GPR158: variants seen among roughly 807,000 people sequenced by gnomAD.
GPR158 encodes G protein-coupled receptor 158, also known as metabotropic glycine receptor.
In GPR158, 30 loss-of-function variants were observed where a neutral mutation model predicts 78.2. The ratio of observed to expected loss-of-function variants is 0.38; its 90% CI spans 0.29 to 0.52. The LOEUF (loss-of-function observed/expected upper bound fraction) is 0.52. Among genes scored for constraint, GPR158 ranks in the 20% least tolerant of loss-of-function variants. GPR158 has a pLI of 0.83. For synonymous variants in GPR158, 581 were observed against 591.1 expected (o/e 0.98, Z 0.25); for missense variants, 1,463 against 1,523.5 (o/e 0.96, Z 0.66).
intron 2 of GPR158, among the ~76,000 whole-genome samples, chr10:25,323,987 A>C (rs1854992639): frequency 6.6e-6 from 1 of 152,192 alleles, no homozygotes; most frequent in Admixed American, 6.5e-5. Flanking sequence ...CTCAGACTTC[A>C]TAGAATTGAA....
Position 25,597,983 on chromosome 10 carries a change from C to A in GPR158, c.2357C>A (p.Ala786Asp). 6.2e-7 allele frequency: 1 copy of A among 1,614,036 alleles called. No homozygotes were observed. The highest frequency in any genetic ancestry group is 8.5e-7 in the Non-Finnish European group (1 of 1,179,962). The stretch of plus-strand genomic sequence containing the variant: ...GACCATGGCACAGCCAAAGGCACTG[C>A]CCTCATCAGGAAGAACCCCCCAGAG... ...GADHGTAKGT[A>D]LIRKNPPESS... The change falls in exon 11 of 11, where the codon GCC becomes GAC. Residue 786 changes from alanine (A) to aspartate (D), a missense_variant. Coordinates refer to ENST00000376351, the MANE Select transcript of GPR158 (RefSeq NM_020752.3).
chr10:25,513,909 A>C (rs1183780161), intron 5 of GPR158, among the ~76,000 whole-genome samples: 1 of 152,020 alleles, frequency 6.6e-6, no homozygotes, highest in Non-Finnish European at 1.5e-5. Flanking sequence ...AATTGTTTTA[A>C]ATTTATTGGG....
At chr10:25,238,610 A>T (rs1450909692) in intron 2 of GPR158, among the ~76,000 whole-genome samples, 1 of 152,182 alleles carries the variant, frequency 6.6e-6, no homozygotes, top group Non-Finnish European at 1.5e-5. Flanking sequence ...CAGGTTATAC[A>T]CTACTTTCAG....
chr10:25,470,321 C>T (rs182128291), intron 5 of GPR158, among the ~76,000 whole-genome samples: 1 of 152,012 alleles, frequency 6.6e-6, no homozygotes, highest in African/African-American at 2.4e-5. Context: ...GTGTTTAGAG[C>T]CCTCATGTAT....
At chr10:25,245,157 A>G (rs144802833) in intron 2 of GPR158, among the ~76,000 whole-genome samples, 1 of 152,328 alleles carries the variant, frequency 6.6e-6, no homozygotes, top group African/African-American at 2.4e-5. Context: ...ATCTTTATCT[A>G]TCACGATGCT....
intron 2 of GPR158, among the ~76,000 whole-genome samples, chr10:25,257,935 C>T (rs1217973329): frequency 6.6e-6 from 1 of 152,164 alleles, no homozygotes; most frequent in African/African-American, 2.4e-5. Context: ...GCTCATCCTT[C>T]CTTTCTTATG....
chr10:25,456,820 C>A (rs1030716144), intron 4 of GPR158, among the ~76,000 whole-genome samples: 1 of 152,044 alleles, frequency 6.6e-6, no homozygotes, highest in Non-Finnish European at 1.5e-5. Context: ...CTCAGTGTAA[C>A]AAAGAGTGAT....
chr10:25,444,453 T>C (rs548899479), intron 4 of GPR158, among the ~76,000 whole-genome samples: 2 of 150,816 alleles, frequency 1.3e-5, no homozygotes, highest in African/African-American at 4.9e-5. Flanking sequence ...TGAGTGTGAG[T>C]GTATGTGGGT....
At chr10:25,479,749 A>G (rs1835638732) in intron 5 of GPR158, among the ~76,000 whole-genome samples, 1 of 152,084 alleles carries the variant, frequency 6.6e-6, no homozygotes, top group East Asian at 1.9e-4. Context: ...TATTTCAATT[A>G]TGATATTCCC....
intron 2 of GPR158, among the ~76,000 whole-genome samples, chr10:25,324,831 CTTTTT>C (rs34746907): frequency 8.0e-6 from 1 of 125,390 alleles, no homozygotes; most frequent in Non-Finnish European, 1.6e-5. Flanking sequence ...TTTTTTCTTT[CTTTTT>C]TTTTTTTTTT....
intron 4 of GPR158, among the ~76,000 whole-genome samples, chr10:25,462,617 A>G (rs1219894321): frequency 6.6e-6 from 1 of 152,260 alleles, no homozygotes; most frequent in Non-Finnish European, 1.5e-5. Context: ...AGATCAAAAT[A>G]TCAACATTAA....
intron 5 of GPR158, among the ~76,000 whole-genome samples, chr10:25,520,913 T>G (rs7080594): frequency 0.63 from 95,583 of 152,080 alleles, 31,988 homozygotes; most frequent in African/African-American, 0.88. Flanking sequence ...CTTCCCGGCT[T>G]CTTTGTTTAC....
At chr10:25,439,293 C>T (rs1031546900) in intron 4 of GPR158, among the ~76,000 whole-genome samples, 2 of 152,178 alleles carry the variant, frequency 1.3e-5, no homozygotes. Context: ...AAAGTGGAAA[C>T]ACCTTATAAA....
intron 7 of GPR158, among the ~76,000 whole-genome samples, chr10:25,573,856 T>C (rs1028308098): frequency 6.6e-6 from 1 of 152,074 alleles, no homozygotes; most frequent in East Asian, 1.9e-4. Flanking sequence ...AGGAGTCTTA[T>C]AAACCTGATA....
chr10:25,427,152 G>C (rs1021344595), intron 4 of GPR158, among the ~76,000 whole-genome samples: 1 of 152,036 alleles, frequency 6.6e-6, no homozygotes, highest in Non-Finnish European at 1.5e-5. Context: ...CCAAAGCTCA[G>C]AGAGAAGGTT....
At chr10:25,407,641 A>C (rs1024506433) in intron 3 of GPR158, among the ~76,000 whole-genome samples, 1 of 152,088 alleles carries the variant, frequency 6.6e-6, no homozygotes, top group African/African-American at 2.4e-5. Context: ...CCACTCATTC[A>C]TACTAAACAC....
At chr10:25,576,044 G>T (rs1307390939) in intron 7 of GPR158, among the ~76,000 whole-genome samples, 2 of 147,104 alleles carry the variant, frequency 1.4e-5, no homozygotes, top group African/African-American at 4.9e-5. Flanking sequence ...AGACATTGAA[G>T]AATTCTGTTG....
intron 5 of GPR158, among the ~76,000 whole-genome samples, chr10:25,474,711 G>A (rs570752878): frequency 1.8e-4 from 28 of 152,232 alleles, no homozygotes; most frequent in African/African-American, 6.7e-4. Context: ...AATTAGCCCA[G>A]TGCCTGTCAC....
chr10:25,440,106 T>C (rs80046983), intron 4 of GPR158, among the ~76,000 whole-genome samples: 246 of 152,340 alleles, frequency 1.6e-3, no homozygotes, highest in African/African-American at 5.7e-3. Flanking sequence ...TTATTGTTAG[T>C]AATGTTTAGA....
Sources: allele counts gnomAD v4.1 joint callset (sites outside exome capture counted in the v4.1 genomes callset), GRCh38; gene constraint gnomAD v4.1.1; transcripts MANE v1.5; gene names NCBI Gene and HGNC (gene_info 2026-07-23, HGNC 2026-07-21).